Variants in ZGPAT observed in about 807,000 individuals in gnomAD.
The protein encoded by ZGPAT is zinc finger CCCH-type with G patch domain-containing protein.
A neutral mutation model predicts 47.9 loss-of-function variants in ZGPAT; 39 were observed. That is an observed-to-expected ratio of 0.81 (90% CI 0.63 to 1.06). ZGPAT has a LOEUF of 1.06. Among genes scored for constraint, ZGPAT ranks in the 50% least tolerant of loss-of-function variants. The probability of loss-of-function intolerance (pLI) is 0.00; values close to 1 mark genes in which losing one functional copy is unlikely to be tolerated. For synonymous variants in ZGPAT, 348 were observed against 292.9 expected (o/e 1.19, Z -1.92); for missense variants, 717 against 681.4 (o/e 1.05, Z -0.58).
chr20:63,726,909 C>T (rs1017324383), intron 2 of ZGPAT, among the ~76,000 whole-genome samples: 2 of 152,194 alleles, frequency 1.3e-5, no homozygotes, highest in African/African-American at 4.8e-5. Context: ...CTCCAGACCC[C>T]CACACATGCA....
chr20:63,733,935 G>A (rs2091949452), intron 4 of ZGPAT, 196 bp downstream of exon 4: 3 of 661,786 alleles, frequency 4.5e-6, no homozygotes, highest in South Asian at 2.0e-5. Context: ...GAGTGTGGGT[G>A]CAACAGCTAC....
At chr20:63,734,146 G>A (rs940043769) in intron 4 of ZGPAT, 1 of 279,782 alleles carries the variant, frequency 3.6e-6, no homozygotes, top group Non-Finnish European at 6.8e-6. Flanking sequence ...CAGCCAGCAT[G>A]GAAGTTTCGG....
intron 2 of ZGPAT, among the ~76,000 whole-genome samples, chr20:63,718,119 T>G (rs767280450): frequency 4.6e-5 from 7 of 151,946 alleles, no homozygotes; most frequent in Non-Finnish European, 1.0e-4. Context: ...ACTCCTGACT[T>G]GAAGGAGTCC....
intron 2 of ZGPAT, among the ~76,000 whole-genome samples, chr20:63,732,125 G>A (rs988324058): frequency 2.6e-5 from 4 of 152,056 alleles, no homozygotes; most frequent in African/African-American, 4.8e-5. Context: ...GTGAGTGCAC[G>A]TGACAGTCTA....
chr20:63,732,688 G>GTT (rs2091927582), intron 2 of ZGPAT, among the ~76,000 whole-genome samples: 1 of 151,616 alleles, frequency 6.6e-6, no homozygotes, highest in Non-Finnish European at 1.5e-5. Context: ...GTGCATGTGT[G>GTT]TATGCATGTG....
intron 2 of ZGPAT, 54 bp from the exon 3 acceptor site, chr20:63,733,165 G>T (rs1286938107): frequency 1.3e-6 from 2 of 1,591,964 alleles, no homozygotes; most frequent in Non-Finnish European, 1.7e-6. Flanking sequence ...TCCTGGGTTG[G>T]TTTGCCCCTG....
intron 2 of ZGPAT, among the ~76,000 whole-genome samples, chr20:63,714,228 C>A (rs890103800): frequency 6.6e-6 from 1 of 151,978 alleles, no homozygotes; most frequent in African/African-American, 2.4e-5. Flanking sequence ...CAGTTTGAGA[C>A]CAGCCTGGCC....
chr20:63,733,401 G>A (rs773004370), intron 3 of ZGPAT, 49 bp downstream of exon 3: 22 of 1,602,096 alleles, frequency 1.4e-5, no homozygotes, highest in South Asian at 9.9e-5. Flanking sequence ...CAGGCCCCAC[G>A]TGTGTTGTCA....
intron 2 of ZGPAT, among the ~76,000 whole-genome samples, chr20:63,731,612 GGTGT>G (rs541927822): frequency 5.9e-4 from 87 of 146,262 alleles, no homozygotes; most frequent in African/African-American, 2.1e-3. Flanking sequence ...GTTGGCCCTT[GGTGT>G]GTGTGTGATT....
intron 1 of ZGPAT, 61 bp downstream of exon 1, chr20:63,708,179 CG>C (rs1468375804): frequency 6.6e-6 from 1 of 152,468 alleles, no homozygotes; most frequent in African/African-American, 2.4e-5. Context: ...GGTGCCCGGC[CG>C]GGGACCAGGT....
intron 2 of ZGPAT, among the ~76,000 whole-genome samples, chr20:63,714,648 G>T (rs896534533): frequency 1.3e-5 from 2 of 151,532 alleles, no homozygotes; most frequent in African/African-American, 4.8e-5. Flanking sequence ...AAAGGGTGTT[G>T]ATTTTTTTTT....
chr20:63,714,143 G>C (rs928716241), intron 2 of ZGPAT, among the ~76,000 whole-genome samples: 1 of 151,856 alleles, frequency 6.6e-6, no homozygotes, highest in African/African-American at 2.4e-5. Context: ...TGACTAGAGC[G>C]GGCCGGGGGT....
intron 4 of ZGPAT, 122 bp downstream of exon 4, chr20:63,733,861 T>C: frequency 7.5e-7 from 1 of 1,337,612 alleles, no homozygotes; most frequent in Admixed American, 2.6e-5. Context: ...GCGGCGAGGG[T>C]GCCACCTGTG....
chr20:63,710,946 A>G (rs2091660651), intron 2 of ZGPAT, among the ~76,000 whole-genome samples: 1 of 151,832 alleles, frequency 6.6e-6, no homozygotes, highest in Non-Finnish European at 1.5e-5. Flanking sequence ...GCCTTCTAGT[A>G]GGTAATTTTC....
At chr20:63,712,609 C>T (rs1315333188) in intron 2 of ZGPAT, among the ~76,000 whole-genome samples, 1 of 151,956 alleles carries the variant, frequency 6.6e-6, no homozygotes, top group African/African-American at 2.4e-5. Context: ...AATATTAAGC[C>T]TTCTGGCTGG....
Position 63,708,712 on chromosome 20 carries a change from G to A in ZGPAT, c.132G>A (p.Lys44=). 1 of 1,612,808 alleles carries A rather than the reference G, an allele frequency of 6.2e-7. No individual in the cohort carries two copies. The change falls in exon 2 of 7, where the codon AAG becomes AAA. Residue 44 remains lysine, a synonymous_variant. Coordinates refer to ENST00000355969, the MANE Select transcript of ZGPAT (RefSeq NM_181485.3). ...TGCGCCAGCTGCAGGGGGACCTGAA[G>A]GAGCTCATCGAGCTCACCGAGGCCA... ...ADLRQLQGDL[K]ELIELTEASL... is the part of the protein sequence containing the mutation.
chr20:63,713,957 T>A (rs1367875525), intron 2 of ZGPAT, among the ~76,000 whole-genome samples: 2 of 152,064 alleles, frequency 1.3e-5, no homozygotes, highest in East Asian at 3.8e-4. Flanking sequence ...CTAATAGGAT[T>A]TTTTATGCAC....
In ZGPAT at chr20:63,735,401, G is replaced by C. The variant is rs1290988363; in HGVS notation, c.1234G>C (p.Ala412Pro). 1 of 1,562,154 alleles carries C rather than the reference G, an allele frequency of 6.4e-7. No individual in the cohort carries two copies. Among genetic ancestry groups the C allele is most frequent in the Admixed American group, 2.0e-5 (1 of 50,732 alleles). The change falls in exon 6 of 7, where the codon GCC becomes CCC. Residue 412 changes from alanine (A) to proline (P), a missense_variant. By Grantham distance (27) the Ala-to-Pro change is conservative (BLOSUM62 -1). Transcript: ENST00000355969. ...LQGQAPGALEAGAAPAGRRSK... is the reference protein window; with the variant it reads ...LQGQAPGALEPGAAPAGRRSK... ...AGGTCAGGCTCCTGGGGCCCTAGAA[G>C]CCGGGGCGGCCCCAGCGGGGAGGAG...
rs2427535 is a variant in ZGPAT, at chr20:63,736,025, A to G, written c.*106A>G. On this transcript the variant is annotated 3_prime_UTR_variant, in exon 7 of 7. Transcript: ENST00000355969. ...GCCGGCCTGCTGGCCTGGGGCGTGC[A>G]GACACTGCTGAGTGGAGACAGAGCT... 0.93 allele frequency: 1,382,390 copies of G among 1,491,342 alleles called. 641,039 individuals carry two copies. Among genetic ancestry groups the G allele is most frequent in the East Asian group, 0.99 (42,068 of 42,472 alleles). 92.4% of individuals were successfully genotyped at this position (1,491,342 alleles called of 1,614,324 possible).
Sources: allele counts gnomAD v4.1 joint callset (sites outside exome capture counted in the v4.1 genomes callset), GRCh38; gene constraint gnomAD v4.1.1; transcripts MANE v1.5; gene names NCBI Gene and HGNC (gene_info 2026-07-23, HGNC 2026-07-21).